MCPH1: variants seen among roughly 807,000 people sequenced by gnomAD.
The protein encoded by MCPH1 is microcephalin.
MCPH1 carries 104 observed loss-of-function variants against 84.5 expected under a neutral mutation model. The observed-to-expected ratio is 1.23, with a 90% CI of 1.05 to 1.45. MCPH1 has a LOEUF of 1.45. MCPH1 is among the 40% of genes most tolerant of loss of function. The probability of loss-of-function intolerance (pLI) is 0.00; values close to 1 mark genes in which losing one functional copy is unlikely to be tolerated. For synonymous variants in MCPH1, 514 were observed against 366.8 expected, an observed-to-expected ratio of 1.40 and a Z score of -4.58; for missense variants, 1,498 against 1,005.7, an observed-to-expected ratio of 1.49 and a Z score of -6.62.
rs186854858 is a variant in MCPH1 at position 6,620,509 on chromosome 8, G to A, written c.2215-945G>A. Reference sequence around the variant, plus strand: ...TGCTGCCCCTGACTGAGAGGACCCCGACGTCACCCCACCCCAGGTTATACT... The same window carrying A: ...TGCTGCCCCTGACTGAGAGGACCCCAACGTCACCCCACCCCAGGTTATACT... On this transcript the variant is annotated intron_variant, in intron 12 of 13. Transcript: ENST00000344683. 1.9e-3 allele frequency among the ~76,000 whole-genome samples: 282 copies of A among 152,000 alleles called. 2 individuals carry two copies. Among genetic ancestry groups the A allele is most frequent in the African/African-American group, 6.7e-3 (277 of 41,454 alleles).
At chr8:6,518,683 G>T (rs1350668080) in intron 12 of MCPH1, among the ~76,000 whole-genome samples, 1 of 152,150 alleles carries the variant, frequency 6.6e-6, no homozygotes, top group Non-Finnish European at 1.5e-5. Flanking sequence ...ACTTCCAAGA[G>T]CCTCGAAAAT....
chr8:6,642,766 A>T, intron 13 of MCPH1: 1 of 586,028 alleles, frequency 1.7e-6, no homozygotes, highest in South Asian at 1.9e-5. Flanking sequence ...GCTACCAAGC[A>T]CTTGAACTGG....
chr8:6,604,228 A>G (rs1400066566), intron 12 of MCPH1, among the ~76,000 whole-genome samples: 1 of 151,880 alleles, frequency 6.6e-6, no homozygotes, highest in East Asian at 1.9e-4. Context: ...CCATGGAGCC[A>G]TCCCAGACAC....
intron 11 of MCPH1, among the ~76,000 whole-genome samples, chr8:6,482,029 C>T (rs991097477): frequency 1.3e-5 from 2 of 152,158 alleles, no homozygotes; most frequent in African/African-American, 2.4e-5. Flanking sequence ...TCCTTCAGTC[C>T]AGCCTGTGCA....
rs538366737 is a variant in MCPH1 at position 6,472,200 on chromosome 8, A to G, written c.1936-5394A>G. ...TCCCAAGACATAATATACAATGAAT[A>G]TGCCAAGCATATAATTAGAATAGAC... On this transcript the variant is annotated intron_variant, in intron 9 of 13. Transcript: ENST00000344683. Among the ~76,000 whole-genome samples, 9 of 152,370 alleles carry G rather than the reference A, an allele frequency of 5.9e-5. No individual in the cohort carries two copies. The South Asian group carries it at 1.7e-3, about 28-fold the overall frequency.
intron 12 of MCPH1, among the ~76,000 whole-genome samples, chr8:6,516,368 G>A (rs1007736653): frequency 6.6e-6 from 1 of 152,138 alleles, no homozygotes; most frequent in African/African-American, 2.4e-5. Flanking sequence ...ATTTAGCAAA[G>A]TTCGATTTTG....
At chr8:6,561,132 A>G (rs553783031) in intron 12 of MCPH1, among the ~76,000 whole-genome samples, 18 of 152,350 alleles carry the variant, frequency 1.2e-4, no homozygotes, top group African/African-American at 4.3e-4. Flanking sequence ...GTTGCTGCAT[A>G]CTTTTTAAGC....
At chr8:6,422,296 T>C (rs1027129887) in intron 3 of MCPH1, among the ~76,000 whole-genome samples, 7 of 152,004 alleles carry the variant, frequency 4.6e-5, no homozygotes, top group African/African-American at 1.4e-4. Flanking sequence ...TTTAGTTAAG[T>C]GGCGTAGAGA....
intron 3 of MCPH1, among the ~76,000 whole-genome samples, chr8:6,418,498 AT>A (rs1398343570): frequency 1.3e-5 from 2 of 152,134 alleles, no homozygotes; most frequent in African/African-American, 4.8e-5. Context: ...TTAGTATGTT[AT>A]TTTTGAAGCA....
intron 5 of MCPH1, among the ~76,000 whole-genome samples, chr8:6,437,315 C>T (rs750916517): frequency 1.4e-4 from 22 of 152,086 alleles, no homozygotes; most frequent in Non-Finnish European, 2.9e-4. Context: ...ACTACAACCT[C>T]CACCTCCCGG....
chr8:6,516,441 TG>T (rs1563328546), intron 12 of MCPH1, among the ~76,000 whole-genome samples: 2 of 152,222 alleles, frequency 1.3e-5, no homozygotes, highest in Admixed American at 1.3e-4. Flanking sequence ...ATTCCTGTTA[TG>T]TTTTTTTTCC....
At chr8:6,629,742 T>C (rs1797016457) in intron 13 of MCPH1, among the ~76,000 whole-genome samples, 1 of 152,188 alleles carries the variant, frequency 6.6e-6, no homozygotes, top group African/African-American at 2.4e-5. Context: ...AATTCTGATA[T>C]CACCTGCAGA....
rs191861425 is a variant in MCPH1 at position 6,583,437 on chromosome 8, A to C, written c.2215-38017A>C. Among the ~76,000 whole-genome samples, 244 of 152,362 alleles carry C rather than the reference A, an allele frequency of 1.6e-3. 2 individuals are homozygous for C. Among genetic ancestry groups the C allele is most frequent in the African/African-American group, 5.7e-3 (236 of 41,582 alleles). Reference sequence around the variant, plus strand: ...AGGCACTGGCTGTGTAATGCAGAATAAAACCGACAAAATTCTTGCCATCTG... The same window carrying C: ...AGGCACTGGCTGTGTAATGCAGAATCAAACCGACAAAATTCTTGCCATCTG... On this transcript the variant is annotated intron_variant, in intron 12 of 13. Transcript: ENST00000344683.
chr8:6,514,906 G>T, intron 12 of MCPH1: 2 of 682,066 alleles, frequency 2.9e-6, no homozygotes, highest in Non-Finnish European at 5.1e-6. Context: ...TATAAGGCAC[G>T]GAGTAGACCA....
chr8:6,455,654 G>T (rs984838252), intron 9 of MCPH1, among the ~76,000 whole-genome samples: 10 of 152,162 alleles, frequency 6.6e-5, no homozygotes, highest in African/African-American at 1.9e-4. Context: ...AGAGTGAAAG[G>T]TTTATATACT....
intron 12 of MCPH1, among the ~76,000 whole-genome samples, chr8:6,597,706 G>A (rs1380869819): frequency 6.6e-6 from 1 of 152,132 alleles, no homozygotes; most frequent in African/African-American, 2.4e-5. Flanking sequence ...CTTCGTCTCT[G>A]GGAACATTTC....
In MCPH1 at chr8:6,436,140, A is replaced by C; in HGVS notation, c.414A>C (p.Leu138=). Residue 138 remains leucine (L), a synonymous_variant, in exon 5 of 14, where the codon CTA becomes CTC. Coordinates refer to ENST00000344683, the MANE Select transcript of MCPH1 (RefSeq NM_024596.5). ...AATTTGAGAAAATGGCTAAAGAGCT[A>C]CAAAGGCAAAAAACAAATCTAGGTA... is the stretch of plus-strand genomic sequence containing the variant. ...QKKFEKMAKE[L]QRQKTNLDDD... The C allele has an allele frequency of 6.2e-7, 1 of 1,613,622 alleles. No homozygotes were observed. The highest frequency in any genetic ancestry group is 1.7e-5 in the Admixed American group (1 of 60,012).
At chr8:6,523,252 C>T (rs976819364) in intron 12 of MCPH1, among the ~76,000 whole-genome samples, 1 of 152,170 alleles carries the variant, frequency 6.6e-6, no homozygotes, top group African/African-American at 2.4e-5. Flanking sequence ...CCGCCCCTGC[C>T]TCCCAAAGTG....
At chr8:6,472,285 A>G (rs1234096150) in intron 9 of MCPH1, among the ~76,000 whole-genome samples, 1 of 152,234 alleles carries the variant, frequency 6.6e-6, no homozygotes, top group African/African-American at 2.4e-5. Flanking sequence ...TGTATTAATA[A>G]CATATATTTA....
Sources: gnomAD v4.1 joint callset for allele counts (sites outside exome capture counted in the v4.1 genomes callset) on GRCh38, gnomAD v4.1.1 for gene constraint, MANE v1.5 for transcripts, NCBI Gene and HGNC (gene_info 2026-07-23, HGNC 2026-07-21) for gene names.